Variants in COL5A1 observed in about 807,000 individuals in gnomAD.
COL5A1 encodes the protein collagen alpha-1(V) chain.
COL5A1 carries 16 observed loss-of-function variants against 263.7 expected under a neutral mutation model. That is an observed-to-expected ratio of 0.06 (90% CI 0.04 to 0.09). The LOEUF (loss-of-function observed/expected upper bound fraction) is 0.09, where lower values mean the gene tolerates loss of function less well. Ranked by LOEUF, COL5A1 falls within the 10% of genes least tolerant of loss-of-function variation. COL5A1 has a pLI of 1.00. For synonymous variants in COL5A1, 1,012 were observed against 1,004.5 expected (o/e 1.01, Z -0.14); for missense variants, 2,036 against 2,540.5 (o/e 0.80, Z 4.27).
Position 134,696,685 on chromosome 9 carries a change from A to G in COL5A1, c.278-3224A>G, listed in dbSNP as rs947862116. On this transcript the variant is annotated intron_variant, in intron 2 of 65. Coordinates refer to ENST00000371817, the MANE Select transcript of COL5A1 (RefSeq NM_000093.5). The surrounding 1 kb of genome is among the most constrained non-coding windows in gnomAD (Gnocchi z 4.3). ...CGGTATGCTTAGTAACTGTCGGCTC[A>G]GTATGATTTAGTTTCAACACAAATG... 1.1e-4 allele frequency among the ~76,000 whole-genome samples: 17 copies of G among 152,224 alleles called. No individual in the cohort carries two copies. Among genetic ancestry groups the G allele is most frequent in the African/African-American group, 3.9e-4 (16 of 41,458 alleles).
At chr9:134,719,613 A>G (rs927607736) in intron 4 of COL5A1, among the ~76,000 whole-genome samples, 1 of 152,246 alleles carries the variant, frequency 6.6e-6, no homozygotes, top group African/African-American at 2.4e-5. Context: ...AGGGAGACCC[A>G]GCACTTCACA....
chr9:134,823,292 C>T, intron 60 of COL5A1, 124 bp from the exon 61 acceptor site: 1 of 1,115,160 alleles, frequency 9.0e-7, no homozygotes, highest in Non-Finnish European at 1.4e-6. Context: ...ATTCTCTTCT[C>T]TGCTGTGGCT....
In COL5A1 at chr9:134,642,309, C is replaced by G; in HGVS notation, c.109+13C>G. The stretch of plus-strand genomic sequence containing the variant: ...CCGAGCCGCGCAGGTAAGGGCGCCC[C>G]GGGGCGCGGGGCTGCGGGATGGGGC... On this transcript the variant is annotated intron_variant, in intron 1 of 65. Coordinates refer to ENST00000371817, the MANE Select transcript of COL5A1 (RefSeq NM_000093.5). The surrounding 1 kb of genome is among the most constrained non-coding windows in gnomAD (Gnocchi z 4.5). The G allele has an allele frequency of 1.2e-6, 1 of 832,744 alleles. No individual in the cohort carries two copies. The highest frequency in any genetic ancestry group is 4.9e-5 in the Admixed American group (1 of 20,398). The allele number at this position is 832,744 out of a possible 1,614,324, so 51.6% of individuals were successfully genotyped here. A position where few individuals can be genotyped will look rare whatever the true frequency, so the allele number is the denominator to read the frequency against.
intron 65 of COL5A1, among the ~76,000 whole-genome samples, chr9:134,837,838 C>T (rs1488018236): frequency 2.0e-5 from 3 of 152,296 alleles, no homozygotes; most frequent in East Asian, 1.9e-4. Context: ...TTTCTACATA[C>T]GCAAAACCTG....
At chr9:134,724,319 C>T (rs913967364) in intron 4 of COL5A1, among the ~76,000 whole-genome samples, 7 of 152,238 alleles carry the variant, frequency 4.6e-5, no homozygotes, top group African/African-American at 1.4e-4. Context: ...CCGTTTTATG[C>T]TAATTTTTTC....
chr9:134,685,297 C>CTGT (rs1833000221), intron 1 of COL5A1, among the ~76,000 whole-genome samples: 1 of 139,672 alleles, frequency 7.2e-6, no homozygotes, highest in African/African-American at 2.6e-5. Flanking sequence ...CATCCACCAT[C>CTGT]CATCCATCCA....
Position 134,823,132 on chromosome 9 carries a change from C to G in COL5A1, c.4644+99C>G, listed in dbSNP as rs116680869. The G allele has an allele frequency of 4.7e-3, 6,524 of 1,382,316 alleles. 204 individuals carry two copies. The African/African-American group carries it at 0.067, about 14-fold the overall frequency. The allele number at this position is 1,382,316 out of a possible 1,614,324, so 85.6% of individuals were successfully genotyped here. A position where few individuals can be genotyped will look rare whatever the true frequency, so the allele number is the denominator to read the frequency against. ...CAAACTACCCAGACAACCGTCCTAG[C>G]TCAGGCCCTGCTGCTCACGATCCTC... On this transcript the variant is annotated intron_variant, in intron 60 of 65. Coordinates refer to ENST00000371817, the MANE Select transcript of COL5A1 (RefSeq NM_000093.5).
At chr9:134,814,396 G>A (rs1838659846) in intron 49 of COL5A1, among the ~76,000 whole-genome samples, 1 of 152,212 alleles carries the variant, frequency 6.6e-6, no homozygotes, top group Non-Finnish European at 1.5e-5. Flanking sequence ...TCACTATGAG[G>A]CCAGCCCAAA....
chr9:134,673,429 C>A (rs1443051749), intron 1 of COL5A1, among the ~76,000 whole-genome samples: 1 of 146,890 alleles, frequency 6.8e-6, no homozygotes, highest in Non-Finnish European at 1.5e-5. Context: ...CACTGCACTC[C>A]AGCCTGGGCA....
intron 51 of COL5A1, 75 bp downstream of exon 51, chr9:134,815,704 T>C: frequency 6.6e-7 from 1 of 1,509,344 alleles, no homozygotes; most frequent in South Asian, 1.2e-5. Flanking sequence ...ATTTCCCCTC[T>C]TTCTGGTGGT....
chr9:134,758,320 C>A lies in COL5A1; in HGVS notation c.1935+24C>A. 1.2e-6 allele frequency: 2 copies of A among 1,612,686 alleles called. No homozygotes were observed. The highest frequency in any genetic ancestry group is 2.2e-5 in the South Asian group (2 of 91,044). On this transcript the variant is annotated intron_variant, in intron 18 of 65. Transcript: ENST00000371817. The surrounding 1 kb of genome is among the most constrained non-coding windows in gnomAD (Gnocchi z 4.1). ...GGGTGAGTATTTCCTCTGTGAGACA[C>A]AGGCATGACGATGGGCAGCAGAGGT...
In COL5A1 at chr9:134,811,355, C is replaced by T. The variant is rs1057524867; in HGVS notation, c.3545C>T (p.Thr1182Ile). ...DKGEQGPPGP[T>I]GPQGPIGQPG... The stretch of plus-strand genomic sequence containing the variant: ...TCCCCGCAGGGTCCTCCTGGGCCTA[C>T]AGGTCCTCAAGGCCCCATCGGACAG... Residue 1182 changes from threonine (T) to isoleucine (I), a missense_variant, in exon 45 of 66, where the codon ACA (threonine) becomes ATA (isoleucine). By Grantham distance (89) the Thr-to-Ile change is moderately conservative. Transcript: ENST00000371817. 3.1e-6 allele frequency: 5 copies of T among 1,613,968 alleles called. No individual in the cohort carries two copies. Among genetic ancestry groups the T allele is most frequent in the Non-Finnish European group, 4.2e-6 (5 of 1,179,992 alleles).
chr9:134,822,228 G>A, intron 59 of COL5A1, 78 bp downstream of exon 59: 2 of 1,253,728 alleles, frequency 1.6e-6, no homozygotes, highest in Non-Finnish European at 2.3e-6. Flanking sequence ...TCAGTGTGGA[G>A]CTAGAGAATT....
Position 134,774,900 on chromosome 9 carries a change from T to C in COL5A1, c.2373T>C (p.Pro791=). ...GPQGPIGYPG[P]RGVKGADGIR... ...AGGGTCCGATTGGCTACCCAGGTCCTCGAGGAGTCAAGGTGAGAGAGACTC... is the reference window on the plus strand; with the variant it reads ...AGGGTCCGATTGGCTACCCAGGTCCCCGAGGAGTCAAGGTGAGAGAGACTC... Residue 791 remains proline, a synonymous_variant, in exon 27 of 66, where the codon CCT becomes CCC. Coordinates refer to ENST00000371817, the MANE Select transcript of COL5A1 (RefSeq NM_000093.5). The C allele has an allele frequency of 6.2e-7, 1 of 1,613,680 alleles. No individual in the cohort carries two copies. The highest frequency in any genetic ancestry group is 8.5e-7 in the Non-Finnish European group (1 of 1,179,828).
At chr9:134,826,825 T>C (rs368406410) in intron 63 of COL5A1, among the ~76,000 whole-genome samples, 2 of 150,056 alleles carry the variant, frequency 1.3e-5, no homozygotes, top group African/African-American at 4.9e-5. Flanking sequence ...GGTGTGTGGC[T>C]GGTGTGTGGA....
intron 36 of COL5A1, among the ~76,000 whole-genome samples, chr9:134,797,782 C>T (rs777231406): frequency 1.3e-5 from 2 of 152,198 alleles, no homozygotes; most frequent in Non-Finnish European, 2.9e-5. Flanking sequence ...GGAGCCCCCA[C>T]GCCCGGCCAT....
At chr9:134,732,295 A>G (rs1588482105) in intron 9 of COL5A1, 168 bp downstream of exon 9, 1 of 721,618 alleles carries the variant, frequency 1.4e-6, no homozygotes, top group East Asian at 2.7e-5. Flanking sequence ...TGTCCCCAGG[A>G]CTTGTGAAGA....
In COL5A1 at chr9:134,844,165, C is replaced by G. The variant is rs569648658; in HGVS notation, c.*1862C>G. 1 of 152,730 alleles carries G rather than the reference C, an allele frequency of 6.5e-6. No individual in the cohort carries two copies. Among genetic ancestry groups the G allele is most frequent in the Admixed American group, 6.5e-5 (1 of 15,296 alleles). 9.5% of individuals were successfully genotyped at this position (152,730 alleles called of 1,614,324 possible). On this transcript the variant is annotated 3_prime_UTR_variant, in exon 66 of 66. Transcript: ENST00000371817. ...GCTTAGGAAGCCACAAACAAGCCAC[C>G]CAGGAGGAACAAAACACCGCCAGCG...
intron 1 of COL5A1, among the ~76,000 whole-genome samples, chr9:134,650,129 A>T (rs1831624171): frequency 6.6e-6 from 1 of 152,182 alleles, no homozygotes; most frequent in Non-Finnish European, 1.5e-5. Flanking sequence ...GCATGTGTAT[A>T]CCTGTGTAAC....
Sources: allele counts gnomAD v4.1 joint callset (sites outside exome capture counted in the v4.1 genomes callset), GRCh38; gene constraint gnomAD v4.1.1; non-coding constraint Gnocchi (gnomAD v3.1); transcripts MANE v1.5; gene names NCBI Gene and HGNC (gene_info 2026-07-23, HGNC 2026-07-21).